The following GP6 variants were observed in gnomAD, a reference collection of about 807,000 sequenced individuals.
GP6 encodes the protein glycoprotein VI platelet.
In GP6, 45 loss-of-function variants were observed where a neutral mutation model predicts 37.3. The observed-to-expected ratio is 1.21, with a 90% CI of 0.95 to 1.55. The LOEUF (loss-of-function observed/expected upper bound fraction) is 1.55, where lower values mean the gene tolerates loss of function less well. GP6 is among the 40% of genes most tolerant of loss of function. The pLI, the probability that GP6 is intolerant of heterozygous loss-of-function variation, is 0.00. For missense variants in GP6, 813 were observed against 760.2 expected (o/e 1.07, Z -0.82); for synonymous variants, 340 against 316.4 (o/e 1.07, Z -0.79).
Position 55,032,445 on chromosome 19 carries a change from AC to A in GP6, c.68-50del, listed in dbSNP as rs764293365. ...CAGCCTCCCCGCAGACCCCGCCTGG[AC>A]CCCGCTGCTCCCGCGCTGGCGGATC... On this transcript the variant is annotated intron_variant, in intron 2 of 7. Coordinates refer to ENST00000310373, the MANE Select transcript of GP6 (RefSeq NM_001083899.2). 9.9e-6 allele frequency: 16 copies of A among 1,612,316 alleles called. No individual in the cohort carries two copies. The East Asian group carries it at 3.1e-4, about 31-fold the overall frequency.
rs2073856319 is a variant in GP6, at chr19:55,015,878, C to T, written c.725-145G>A. On this transcript the variant is annotated intron_variant, in intron 6 of 7. Transcript: ENST00000310373. ...ATGGGCCGGGCACGGTGCCTCATGC[C>T]TATAATCCCAGCACTTTGGGAGGCT... The T allele has an allele frequency of 4.3e-6, 3 of 701,548 alleles. No individual in the cohort carries two copies. In the South Asian group the frequency reaches 4.5e-5, roughly 11 times the overall value. 43.5% of individuals were successfully genotyped at this position (701,548 alleles called of 1,614,324 possible). A position where few individuals can be genotyped will look rare whatever the true frequency, so the allele number is the denominator to read the frequency against.
At chr19:55,034,136 GTA>G (rs1192352516) in intron 1 of GP6, among the ~76,000 whole-genome samples, 1 of 131,194 alleles carries the variant, frequency 7.6e-6, no homozygotes, top group Non-Finnish European at 1.6e-5. Flanking sequence ...GTATGTATAT[GTA>G]TATATGTATG....
At chr19:55,034,283 A>G (rs554253660) in intron 1 of GP6, among the ~76,000 whole-genome samples, 22 of 152,078 alleles carry the variant, frequency 1.4e-4, no homozygotes, top group Non-Finnish European at 2.4e-4. Flanking sequence ...CTGGCCGGGC[A>G]CGGTGGCTCA....
At chr19:55,025,445 C>G (rs1024925587) in intron 4 of GP6, among the ~76,000 whole-genome samples, 174 bp from the exon 5 acceptor site, 3 of 152,180 alleles carry the variant, frequency 2.0e-5, no homozygotes, top group African/African-American at 7.2e-5. Flanking sequence ...GTGCCTCATG[C>G]CTGTAATCCC....
chr19:55,033,078 TG>T (rs1185208245), intron 1 of GP6, among the ~76,000 whole-genome samples: 1 of 9,688 alleles, frequency 1.0e-4, no homozygotes, highest in Non-Finnish European at 2.9e-4. Flanking sequence ...GACTCGTTCG[TG>T]TTGTGTTAGA....
intron 5 of GP6, among the ~76,000 whole-genome samples, chr19:55,021,593 T>C: frequency 7.1e-6 from 1 of 139,934 alleles, no homozygotes. Flanking sequence ...CAATCTTGGC[T>C]CACTGCAACC....
intron 1 of GP6, among the ~76,000 whole-genome samples, chr19:55,037,026 A>G (rs2074856441): frequency 6.6e-6 from 1 of 152,154 alleles, no homozygotes; most frequent in African/African-American, 2.4e-5. Flanking sequence ...AAAAACAAAC[A>G]AAAAGAAAAA....
chr19:55,018,305 G>A (rs1166334330), intron 6 of GP6, among the ~76,000 whole-genome samples: 2 of 152,208 alleles, frequency 1.3e-5, no homozygotes, highest in Non-Finnish European at 2.9e-5. Context: ...GTGTGCGTCC[G>A]AGCATGGGCT....
intron 3 of GP6, among the ~76,000 whole-genome samples, chr19:55,029,763 A>G (rs1166629800): frequency 6.6e-6 from 1 of 151,186 alleles, no homozygotes; most frequent in African/African-American, 2.4e-5. Flanking sequence ...GAGGAGGGCC[A>G]CTTTGACTAG....
At chr19:55,032,653 T>C (rs759936767) in intron 1 of GP6, 115 bp from the exon 2 acceptor site, 165 of 1,104,506 alleles carry the variant, frequency 1.5e-4, no homozygotes, top group Middle Eastern at 4.2e-4. Flanking sequence ...CCTAATAATT[T>C]CTTCAAAAGA....
intron 1 of GP6, among the ~76,000 whole-genome samples, chr19:55,036,267 G>C (rs1376714828): frequency 6.6e-6 from 1 of 152,068 alleles, no homozygotes; most frequent in African/African-American, 2.4e-5. Flanking sequence ...GGGCAGAAGT[G>C]GGGCAGGGAT....
intron 5 of GP6, among the ~76,000 whole-genome samples, chr19:55,023,145 A>G (rs1440354584): frequency 6.6e-6 from 1 of 152,216 alleles, no homozygotes; most frequent in African/African-American, 2.4e-5. Flanking sequence ...TGGTACTGGT[A>G]CAAAAACAGA....
At chr19:55,033,481 A>G (rs113045507) in intron 1 of GP6, among the ~76,000 whole-genome samples, 776 of 25,328 alleles carry the variant, frequency 0.031, 2 homozygotes, top group East Asian at 0.083. Flanking sequence ...TGTGTTAGAC[A>G]CGGTGGGCTC....
Position 55,021,521 on chromosome 19 carries a change from T to G in GP6, c.665-2810A>C, listed in dbSNP as rs111998375. Among the ~76,000 whole-genome samples the G allele has an allele frequency of 6.7e-3, 63 of 9,420 alleles. 3 individuals carry two copies. Among genetic ancestry groups the G allele is most frequent in the East Asian group, 0.017 (3 of 174 alleles). The allele number at this position is 9,420 out of a possible 152,430, so 6.2% of individuals were successfully genotyped here. Reference sequence around the variant, plus strand: ...CCTGTTGTTTCTTGACTTTTGTTGGTTTTTTTTTTTTTTTTTTGAGATGGA... The same window carrying G: ...CCTGTTGTTTCTTGACTTTTGTTGGGTTTTTTTTTTTTTTTTTGAGATGGA... On this transcript the variant is annotated intron_variant, in intron 5 of 7. Coordinates refer to ENST00000310373, the MANE Select transcript of GP6 (RefSeq NM_001083899.2).
chr19:55,015,718 A>T lies in GP6; in HGVS notation c.740T>A (p.Ile247Asn). The T allele has an allele frequency of 6.4e-7, 1 of 1,562,776 alleles. No individual in the cohort carries two copies. Among genetic ancestry groups the T allele is most frequent in the East Asian group, 2.2e-5 (1 of 44,606 alleles). ...GTCTGACTCCTTTGGACTGGCGGTG[A>T]TACTCCTAGAAGTCTCTGGGAACCA... Residue 247 changes from isoleucine to asparagine, a missense_variant, in exon 7 of 8, where the codon ATC becomes AAC. Ile to Asn is a moderately radical substitution (Grantham distance 149). Transcript: ENST00000310373.
chr19:55,032,480 G>A, intron 2 of GP6, 26 bp downstream of exon 2: 11 of 1,613,836 alleles, frequency 6.8e-6, no homozygotes, highest in Non-Finnish European at 9.3e-6. Flanking sequence ...TCCCGCAGGA[G>A]GGAAGGGGTC....
Position 55,032,126 on chromosome 19 carries a change from C to A in GP6, c.325+13G>T, listed in dbSNP as rs1432370843. The A allele has an allele frequency of 1.2e-6, 2 of 1,612,938 alleles. No homozygotes were observed. Among genetic ancestry groups the A allele is most frequent in the African/African-American group, 2.7e-5 (2 of 74,898 alleles). On this transcript the variant is annotated intron_variant, in intron 3 of 7. Transcript: ENST00000310373. ...GACCACGCAGTCCCAGGCTCCGATC[C>A]CCCTTCCTTTACCCGTGGCAACGAG...
chr19:55,034,517 C>T lies in GP6; in HGVS notation c.35-1979G>A, dbSNP rs556196813. 1.6e-3 allele frequency among the ~76,000 whole-genome samples: 244 copies of T among 151,554 alleles called. 2 individuals carry two copies. Among genetic ancestry groups the T allele is most frequent in the African/African-American group, 5.8e-3 (238 of 41,276 alleles). On this transcript the variant is annotated intron_variant, in intron 1 of 7. Coordinates refer to ENST00000310373, the MANE Select transcript of GP6 (RefSeq NM_001083899.2). The stretch of plus-strand genomic sequence containing the variant: ...GTTGCAGTGAGCCAAGATCACGCCA[C>T]TACACTCCAGCCTGGGCAACAGAGC...
chr19:55,014,692 A>C lies in GP6; in HGVS notation c.1253T>G (p.Leu418Arg). The C allele has an allele frequency of 6.2e-7, 1 of 1,614,042 alleles. No individual in the cohort carries two copies. The highest frequency in any genetic ancestry group is 2.2e-5 in the East Asian group (1 of 44,876). Residue 418 changes from leucine (L) to arginine (R), a missense_variant, in exon 8 of 8, where the codon CTG (leucine) becomes CGG (arginine). By Grantham distance (102) the Leu-to-Arg change is moderately radical. Coordinates refer to ENST00000310373, the MANE Select transcript of GP6 (RefSeq NM_001083899.2). Reference sequence around the variant, plus strand: ...GCAGGGAGGAGGATGGGGTCTCCACAGATTCCTTCCATCCCAAATGGAGGG... The same window carrying C: ...GCAGGGAGGAGGATGGGGTCTCCACCGATTCCTTCCATCCCAAATGGAGGG...
Sources: allele counts gnomAD v4.1 joint callset (sites outside exome capture counted in the v4.1 genomes callset), GRCh38; gene constraint gnomAD v4.1.1; transcripts MANE v1.5; gene names NCBI Gene and HGNC (gene_info 2026-07-23, HGNC 2026-07-21).